Variants in ACAP2 observed in about 807,000 individuals in gnomAD.
ACAP2 encodes the protein ArfGAP with coiled-coil, ankyrin repeat and PH domains 2, also known as arf-GAP with coiled-coil, ANK repeat and PH domain-containing protein 2.
In ACAP2, 39 loss-of-function variants were observed where a neutral mutation model predicts 115.8. The ratio of observed to expected loss-of-function variants is 0.34; its 90% CI spans 0.26 to 0.44. The LOEUF (loss-of-function observed/expected upper bound fraction) is 0.44. Among genes scored for constraint, ACAP2 ranks in the 20% least tolerant of loss-of-function variants. ACAP2 has a pLI of 1.00. For synonymous variants in ACAP2, 289 were observed against 315.8 expected (o/e 0.92, Z 0.90); for missense variants, 662 against 927.6 (o/e 0.71, Z 3.72).
chr3:195,423,066 A>T (rs1383519780), intron 1 of ACAP2, among the ~76,000 whole-genome samples: 5 of 152,234 alleles, frequency 3.3e-5, no homozygotes, highest in Non-Finnish European at 5.9e-5. Flanking sequence ...GGAACATTTC[A>T]ACATGAAATT....
intron 1 of ACAP2, among the ~76,000 whole-genome samples, chr3:195,425,641 C>T (rs911635224): frequency 6.6e-6 from 1 of 152,280 alleles, no homozygotes; most frequent in African/African-American, 2.4e-5. Flanking sequence ...ACCTCAGTGT[C>T]TACTAGGTGT....
At chr3:195,280,563 A>C (rs1726431400) in intron 22 of ACAP2, among the ~76,000 whole-genome samples, 1 of 152,256 alleles carries the variant, frequency 6.6e-6, no homozygotes, top group Non-Finnish European at 1.5e-5. Flanking sequence ...CATATGAGCA[A>C]GAATGCTATG....
chr3:195,411,998 G>A (rs1713303993), intron 1 of ACAP2, among the ~76,000 whole-genome samples: 1 of 151,234 alleles, frequency 6.6e-6, no homozygotes, highest in South Asian at 2.1e-4. Context: ...AGACCTGCCA[G>A]CAAAATGCTT....
chr3:195,439,778 T>G (rs1715865060), intron 1 of ACAP2, among the ~76,000 whole-genome samples: 1 of 151,852 alleles, frequency 6.6e-6, no homozygotes, highest in African/African-American at 2.4e-5. Flanking sequence ...AGGTGCACAC[T>G]ACCACACCCG....
In ACAP2 at chr3:195,440,170, G is replaced by C. The variant is rs78845995; in HGVS notation, c.53+2625C>G. Among the ~76,000 whole-genome samples, 446 of 151,870 alleles carry C rather than the reference G, an allele frequency of 2.9e-3. 1 individual carries two copies. The highest frequency in any genetic ancestry group is 0.018 in the South Asian group (88 of 4,818). Reference sequence around the variant, plus strand: ...TGAACAAGATTTTGACCTTTAAGCTGATTTTAAACTGGTATTTAAAAAACC... The same window carrying C: ...TGAACAAGATTTTGACCTTTAAGCTCATTTTAAACTGGTATTTAAAAAACC... On this transcript the variant is annotated intron_variant, in intron 1 of 22. Coordinates refer to ENST00000326793, the MANE Select transcript of ACAP2 (RefSeq NM_012287.6).
intron 14 of ACAP2, 64 bp from the exon 15 acceptor site, chr3:195,301,708 G>T: frequency 6.9e-7 from 1 of 1,451,176 alleles, no homozygotes; most frequent in Non-Finnish European, 9.6e-7. Context: ...CGCAAGTTCT[G>T]TTTTAACGTG....
chr3:195,292,128 A>G (rs1727296645), intron 19 of ACAP2, 137 bp downstream of exon 19: 1 of 1,101,234 alleles, frequency 9.1e-7, no homozygotes. Context: ...AACCACTACT[A>G]TTAATAGCAC....
At chr3:195,322,767 G>A (rs1277033429) in intron 9 of ACAP2, among the ~76,000 whole-genome samples, 1 of 152,092 alleles carries the variant, frequency 6.6e-6, no homozygotes, top group Non-Finnish European at 1.5e-5. Flanking sequence ...TCAAAACCTT[G>A]GTCAACTTAA....
At chr3:195,321,773 C>G (rs1180733872) in intron 9 of ACAP2, among the ~76,000 whole-genome samples, 1 of 151,674 alleles carries the variant, frequency 6.6e-6, no homozygotes, top group Non-Finnish European at 1.5e-5. Context: ...CCACCATGCC[C>G]AGCTAATTTT....
intron 3 of ACAP2, among the ~76,000 whole-genome samples, chr3:195,381,520 A>G (rs1341357597): frequency 1.3e-5 from 2 of 152,172 alleles, no homozygotes; most frequent in Admixed American, 6.6e-5. Context: ...ACAGCCCCCT[A>G]TACATACAGT....
intron 4 of ACAP2, among the ~76,000 whole-genome samples, chr3:195,349,298 A>G (rs1415499157): frequency 6.6e-6 from 1 of 152,174 alleles, no homozygotes; most frequent in Non-Finnish European, 1.5e-5. Context: ...CCTGACCAAC[A>G]GGGAGAAACC....
intron 6 of ACAP2, among the ~76,000 whole-genome samples, chr3:195,341,130 T>C (rs573700159): frequency 6.6e-6 from 1 of 152,274 alleles, no homozygotes; most frequent in South Asian, 2.1e-4. Context: ...TTAAAGTTTT[T>C]TTAGGCTTTA....
intron 2 of ACAP2, among the ~76,000 whole-genome samples, chr3:195,383,236 T>G (rs1259021776): frequency 1.3e-5 from 2 of 151,956 alleles, no homozygotes; most frequent in Non-Finnish European, 2.9e-5. Context: ...AAAAAAATAT[T>G]TGAAGAGTAA....
chr3:195,354,177 C>T (rs1410233193), intron 4 of ACAP2, among the ~76,000 whole-genome samples: 1 of 152,158 alleles, frequency 6.6e-6, no homozygotes, highest in East Asian at 1.9e-4. Flanking sequence ...TGATCTCATT[C>T]TTTTTTATGG....
At chr3:195,318,464 G>C (rs372115315) in intron 10 of ACAP2, among the ~76,000 whole-genome samples, 83 of 152,332 alleles carry the variant, frequency 5.4e-4, no homozygotes, top group African/African-American at 1.8e-3. Context: ...GGACAATGTA[G>C]TCCAGGCTGA....
At chr3:195,416,094 T>C (rs1266419743) in intron 1 of ACAP2, among the ~76,000 whole-genome samples, 1 of 152,204 alleles carries the variant, frequency 6.6e-6, no homozygotes, top group Non-Finnish European at 1.5e-5. Context: ...ACGCCTGTAA[T>C]CCCAGCACTT....
intron 1 of ACAP2, among the ~76,000 whole-genome samples, chr3:195,397,865 A>C (rs1399727994): frequency 6.6e-6 from 1 of 152,224 alleles, no homozygotes; most frequent in East Asian, 1.9e-4. Flanking sequence ...ACCTGAGAAG[A>C]AAGCAGTAAT....
At chr3:195,391,862 G>A (rs533752333) in intron 2 of ACAP2, among the ~76,000 whole-genome samples, 9 of 152,096 alleles carry the variant, frequency 5.9e-5, no homozygotes, top group African/African-American at 2.2e-4. Context: ...GGGCATGGTG[G>A]TGCACGCCTG....
At position 195,292,365 on chromosome 3, in the gene ACAP2, T is replaced by A. The variant is rs112375796; in HGVS notation, c.1853A>T (p.Asn618Ile). 6.2e-7 allele frequency: 1 copy of A among 1,613,876 alleles called. No individual in the cohort carries two copies. The highest frequency in any genetic ancestry group is 1.7e-5 in the Admixed American group (1 of 59,952). ...LQLYRASYEK[N>I]LPKMAEALAH... Reference sequence around the variant, plus strand: ...CAAAGCCTCAGCCATTTTAGGAAGGTTTTTTTCATATGACGCCCTATAAAG... The same window carrying A: ...CAAAGCCTCAGCCATTTTAGGAAGGATTTTTTCATATGACGCCCTATAAAG... The change falls in exon 19 of 23, where the codon AAC (asparagine) becomes ATC (isoleucine). Residue 618 changes from asparagine (N) to isoleucine (I), a missense_variant. Asn to Ile is a moderately radical substitution (Grantham distance 149). This residue lies in a region of ACAP2 where 133 missense variants were observed against 123.1 expected (regional missense o/e 1.08). Transcript: ENST00000326793.
Sources: allele counts gnomAD v4.1 joint callset (sites outside exome capture counted in the v4.1 genomes callset), GRCh38; gene constraint gnomAD v4.1.1; regional missense constraint gnomAD v4.1.1; transcripts MANE v1.5; gene names NCBI Gene and HGNC (gene_info 2026-07-23, HGNC 2026-07-21).